MBNL1: variants seen among roughly 807,000 people sequenced by gnomAD.
MBNL1 encodes muscleblind-like protein 1.
Under a neutral mutation model 42.2 loss-of-function variants are expected in MBNL1, and 8 were observed. The observed-to-expected ratio is 0.19, with a 90% CI of 0.11 to 0.34. The LOEUF (loss-of-function observed/expected upper bound fraction) is 0.34, where lower values mean the gene tolerates loss of function less well. MBNL1 is among the 10% of genes least tolerant of loss of function. The pLI, the probability that MBNL1 is intolerant of heterozygous loss-of-function variation, is 1.00. For missense variants in MBNL1, 309 were observed against 495.3 expected, an observed-to-expected ratio of 0.62 and a Z score of 3.57; for synonymous variants, 169 against 173.9, an observed-to-expected ratio of 0.97 and a Z score of 0.22.
At chr3:152,246,612 T>C (rs757533118) in intron 2 of MBNL1, among the ~76,000 whole-genome samples, 1 of 151,956 alleles carries the variant, frequency 6.6e-6, no homozygotes, top group Non-Finnish European at 1.5e-5. Context: ...AATTTAATTT[T>C]GGCTTCTGAG....
chr3:152,441,769 C>T (rs1480123144), intron 4 of MBNL1, among the ~76,000 whole-genome samples: 1 of 152,136 alleles, frequency 6.6e-6, no homozygotes, highest in African/African-American at 2.4e-5. Context: ...TGTTTTAATG[C>T]AGGTTTGAAA....
At chr3:152,392,006 T>G (rs1363876659) in intron 2 of MBNL1, among the ~76,000 whole-genome samples, 1 of 152,182 alleles carries the variant, frequency 6.6e-6, no homozygotes, top group South Asian at 2.1e-4. Flanking sequence ...ATCAATAAAT[T>G]GCAAACTGTC....
At chr3:152,269,137 G>C (rs2038382271) in intron 1 of MBNL1, 45 bp downstream of exon 1, 1 of 440,060 alleles carries the variant, frequency 2.3e-6, no homozygotes, top group Non-Finnish European at 4.6e-6. Context: ...TTCATTGTTC[G>C]GACTCCGGCG....
intron 2 of MBNL1, among the ~76,000 whole-genome samples, chr3:152,342,422 A>T (rs1481200064): frequency 6.6e-6 from 1 of 152,158 alleles, no homozygotes; most frequent in African/African-American, 2.4e-5. Flanking sequence ...AGCACTTAGC[A>T]CAATGGCTAG....
chr3:152,349,450 A>G (rs138595808), intron 2 of MBNL1, among the ~76,000 whole-genome samples: 571 of 152,206 alleles, frequency 3.8e-3, no homozygotes, highest in African/African-American at 0.013. Flanking sequence ...TATCCATGGC[A>G]TGTTAAAAAA....
chr3:152,443,902 C>G (rs1237234098), intron 4 of MBNL1, among the ~76,000 whole-genome samples: 1 of 152,066 alleles, frequency 6.6e-6, no homozygotes, highest in African/African-American at 2.4e-5. Flanking sequence ...ATTTATAATG[C>G]TCTTTTTTAA....
chr3:152,454,119 C>G (rs1204759254), intron 6 of MBNL1, among the ~76,000 whole-genome samples: 1 of 152,124 alleles, frequency 6.6e-6, no homozygotes, highest in Non-Finnish European at 1.5e-5. Context: ...GTCTTTGACT[C>G]AGTAGTAGTA....
chr3:152,401,950 T>G (rs1246832444), intron 2 of MBNL1, among the ~76,000 whole-genome samples: 9 of 149,692 alleles, frequency 6.0e-5, no homozygotes, highest in Non-Finnish European at 1.3e-4. Context: ...GAGAATGGCG[T>G]GAACCTGGGA....
Position 152,459,255 on chromosome 3 carries a change from ATT to A in MBNL1, c.1093-11_1093-10del. The A allele has an allele frequency of 6.7e-7, 1 of 1,487,698 alleles. No homozygotes were observed. Among genetic ancestry groups the A allele is most frequent in the Non-Finnish European group, 9.2e-7 (1 of 1,090,012 alleles). The allele number at this position is 1,487,698 out of a possible 1,614,324, so 92.2% of individuals were successfully genotyped here. A position where few individuals can be genotyped will look rare whatever the true frequency, so the allele number is the denominator to read the frequency against. ...GCTTGCATGGATCATTCATTAAATA[ATT>A]TTTTATTTGCTAGATACCCATAATA... On this transcript the variant is annotated splice_polypyrimidine_tract_variant and intron_variant, in intron 8 of 9. Coordinates refer to ENST00000324210, the MANE Select transcript of MBNL1 (RefSeq NM_021038.5).
intron 2 of MBNL1, among the ~76,000 whole-genome samples, chr3:152,342,276 T>C (rs1392463378): frequency 6.6e-6 from 1 of 152,080 alleles, no homozygotes; most frequent in Non-Finnish European, 1.5e-5. Flanking sequence ...CAACTCAATT[T>C]TGGGTTGCCA....
intron 6 of MBNL1, among the ~76,000 whole-genome samples, chr3:152,452,746 A>G (rs1020952810): frequency 4.6e-5 from 7 of 152,116 alleles, no homozygotes; most frequent in Admixed American, 3.3e-4. Flanking sequence ...ATTTTTGCTT[A>G]CCTACCATCT....
intron 2 of MBNL1, among the ~76,000 whole-genome samples, chr3:152,358,823 TG>T (rs2095716173): frequency 6.6e-6 from 1 of 152,118 alleles, no homozygotes; most frequent in South Asian, 2.1e-4. Context: ...TTGCCCAGGC[TG>T]GTCTCAAACT....
intron 2 of MBNL1, among the ~76,000 whole-genome samples, chr3:152,358,452 T>C (rs1227930154): frequency 6.6e-6 from 1 of 152,164 alleles, no homozygotes; most frequent in Non-Finnish European, 1.5e-5. Flanking sequence ...GGATAAAGGA[T>C]AGAAAAGAGA....
rs1018245799 is a variant in MBNL1, at chr3:152,465,457, T to C, written c.*3091T>C. On this transcript the variant is annotated 3_prime_UTR_variant, in exon 10 of 10. Transcript: ENST00000324210. ...AGTTCAAATTTCATGGTTTTAATTT[T>C]CAACTCAGAAGCACTCAAAAATGCA... The C allele has an allele frequency of 1.3e-5, 2 of 152,642 alleles. No individual in the cohort carries two copies. Among genetic ancestry groups the C allele is most frequent in the African/African-American group, 4.8e-5 (2 of 41,462 alleles). 9.5% of individuals were successfully genotyped at this position (152,642 alleles called of 1,614,324 possible). A position where few individuals can be genotyped will look rare whatever the true frequency, so the allele number is the denominator to read the frequency against.
chr3:152,286,440 A>ATATTTTATTTATAATATAAATATATT (rs2052073063), intron 1 of MBNL1, among the ~76,000 whole-genome samples: 1 of 81,810 alleles, frequency 1.2e-5, no homozygotes, highest in Non-Finnish European at 2.5e-5. Flanking sequence ...ATAAATATTT[A>ATATTTTATTTATAATATAAATATATT]TATTTTATTT....
At chr3:152,352,732 C>G (rs1415196832) in intron 2 of MBNL1, among the ~76,000 whole-genome samples, 1 of 152,178 alleles carries the variant, frequency 6.6e-6, no homozygotes, top group Non-Finnish European at 1.5e-5. Context: ...TAACCCACAT[C>G]AGTTCCTGTT....
chr3:152,418,374 AT>A (rs142755284), intron 3 of MBNL1, among the ~76,000 whole-genome samples: 31,728 of 152,002 alleles, frequency 0.21, 3,539 homozygotes, highest in South Asian at 0.28. Context: ...TGGTTGATTC[AT>A]TAAGATCTCT....
intron 2 of MBNL1, among the ~76,000 whole-genome samples, chr3:152,413,689 T>C (rs1290561741): frequency 6.6e-6 from 1 of 152,194 alleles, no homozygotes; most frequent in Non-Finnish European, 1.5e-5. Context: ...TATACTAAAT[T>C]GGTGTTTTTA....
chr3:152,457,446 CA>C (rs1222280275), intron 8 of MBNL1, among the ~76,000 whole-genome samples: 10 of 152,186 alleles, frequency 6.6e-5, no homozygotes, highest in African/African-American at 2.4e-4. Context: ...GAGGAGTAGC[CA>C]CCCTTGTTCT....
Sources: gnomAD v4.1 joint callset for allele counts (sites outside exome capture counted in the v4.1 genomes callset) on GRCh38, gnomAD v4.1.1 for gene constraint, MANE v1.5 for transcripts, NCBI Gene and HGNC (gene_info 2026-07-23, HGNC 2026-07-21) for gene names.